Variants in KHDRBS2 observed in about 807,000 individuals in gnomAD.
The protein encoded by KHDRBS2 is KH domain-containing, RNA-binding, signal transduction-associated protein 2.
In KHDRBS2, 26 loss-of-function variants were observed where a neutral mutation model predicts 44.3. The ratio of observed to expected loss-of-function variants is 0.59; its 90% CI spans 0.43 to 0.81. KHDRBS2 has a LOEUF of 0.81. KHDRBS2 is among the 40% of genes least tolerant of loss of function. The probability of loss-of-function intolerance (pLI) is 0.00; values close to 1 mark genes in which losing one functional copy is unlikely to be tolerated. For missense variants in KHDRBS2, 476 were observed against 433.1 expected (o/e 1.10, Z -0.88); for synonymous variants, 194 against 151.1 (o/e 1.28, Z -2.08).
intron 1 of KHDRBS2, among the ~76,000 whole-genome samples, chr6:62,216,765 T>C (rs1430973048): frequency 1.3e-5 from 2 of 149,982 alleles, no homozygotes; most frequent in African/African-American, 4.9e-5. Context: ...CAGTTTCAAG[T>C]AGACCAGGAT....
the KHDRBS2 span, among the ~76,000 whole-genome samples, chr6:61,591,389 C>A: frequency 2.6e-5 from 4 of 151,848 alleles, no homozygotes; most frequent in Non-Finnish European, 5.9e-5. Flanking sequence ...ATGAAATTTC[C>A]AAAATATAAA....
chr6:62,197,721 T>C (rs1486856335), intron 1 of KHDRBS2, among the ~76,000 whole-genome samples: 1 of 152,084 alleles, frequency 6.6e-6, no homozygotes, highest in Non-Finnish European at 1.5e-5. Context: ...TGAACTCAGC[T>C]CTGCACCAAG....
the KHDRBS2 span, among the ~76,000 whole-genome samples, chr6:61,576,636 GC>G: frequency 6.6e-6 from 1 of 152,064 alleles, no homozygotes; most frequent in East Asian, 1.9e-4. Flanking sequence ...AAAATTTTGA[GC>G]TTTTGAGAAA....
intron 6 of KHDRBS2, among the ~76,000 whole-genome samples, chr6:61,773,966 T>TAGA (rs1406679509): frequency 2.1e-4 from 32 of 152,184 alleles, no homozygotes; most frequent in African/African-American, 7.2e-4. Context: ...ATAAGCAGCG[T>TAGA]TATTTCTGAG....
chr6:61,693,973 G>A (rs780567277), intron 8 of KHDRBS2, among the ~76,000 whole-genome samples: 20 of 152,032 alleles, frequency 1.3e-4, no homozygotes, highest in Non-Finnish European at 2.2e-4. Context: ...AAATAATTCC[G>A]AAATAGAAAT....
intron 1 of KHDRBS2, among the ~76,000 whole-genome samples, chr6:62,182,230 C>A (rs1344829030): frequency 6.6e-6 from 1 of 151,786 alleles, no homozygotes; most frequent in Non-Finnish European, 1.5e-5. Flanking sequence ...GACTAAGAGA[C>A]CATAAATTTA....
At chr6:62,179,550 T>C (rs1224790224) in intron 1 of KHDRBS2, among the ~76,000 whole-genome samples, 2 of 151,754 alleles carry the variant, frequency 1.3e-5, no homozygotes, top group East Asian at 3.9e-4. Context: ...TATGGGTGTA[T>C]ACACCTACAT....
the KHDRBS2 span, among the ~76,000 whole-genome samples, chr6:61,598,479 A>G: frequency 6.6e-6 from 1 of 152,176 alleles, no homozygotes; most frequent in Admixed American, 6.5e-5. Flanking sequence ...ATGACTGTCT[A>G]CTCACACATA....
intron 4 of KHDRBS2, among the ~76,000 whole-genome samples, chr6:61,912,924 C>T (rs1806312231): frequency 1.3e-5 from 2 of 152,128 alleles, no homozygotes; most frequent in African/African-American, 2.4e-5. Flanking sequence ...TCTCAAAGAG[C>T]AACCACAACG....
chr6:62,016,548 ATATT>A (rs1264576857), intron 3 of KHDRBS2, among the ~76,000 whole-genome samples: 1 of 149,262 alleles, frequency 6.7e-6, no homozygotes, highest in East Asian at 1.9e-4. Context: ...ATGTATAAGT[ATATT>A]TATATAAATA....
chr6:61,547,162 C>G, the KHDRBS2 span, among the ~76,000 whole-genome samples: 1 of 152,104 alleles, frequency 6.6e-6, no homozygotes, highest in Non-Finnish European at 1.5e-5. Context: ...TCCACACAGA[C>G]AGTGGCTCCG....
At chr6:61,609,857 T>C in the KHDRBS2 span, among the ~76,000 whole-genome samples, 1 of 152,188 alleles carries the variant, frequency 6.6e-6, no homozygotes, top group East Asian at 1.9e-4. Context: ...AATACTAATC[T>C]TTCACGATGT....
At chr6:61,636,898 T>C in the KHDRBS2 span, among the ~76,000 whole-genome samples, 49 of 152,186 alleles carry the variant, frequency 3.2e-4, no homozygotes, top group East Asian at 9.3e-3. Context: ...CAAAGGCTGG[T>C]ATATGCATGG....
rs573892514 is a variant in KHDRBS2, at chr6:62,157,913, T to C, written c.219+19272A>G. 5.3e-4 allele frequency among the ~76,000 whole-genome samples: 81 copies of C among 152,350 alleles called. 1 individual carries two copies. Among genetic ancestry groups the C allele is most frequent in the African/African-American group, 1.9e-3 (79 of 41,590 alleles). On this transcript the variant is annotated intron_variant, in intron 2 of 8. Coordinates refer to ENST00000281156, the MANE Select transcript of KHDRBS2 (RefSeq NM_152688.4). ...ATCTTGATGCATTTTCAAATGTCTA[T>C]GTGAGTTTCAATAATTGAATTAAAT... is the stretch of plus-strand genomic sequence containing the variant.
intron 6 of KHDRBS2, among the ~76,000 whole-genome samples, chr6:61,751,648 A>G (rs541638921): frequency 3.0e-4 from 46 of 152,180 alleles, no homozygotes; most frequent in Non-Finnish European, 5.7e-4. Context: ...CTGCTATTTT[A>G]ATTTTAGGGA....
intron 7 of KHDRBS2, among the ~76,000 whole-genome samples, chr6:61,713,175 C>G (rs1770815899): frequency 6.6e-6 from 1 of 151,566 alleles, no homozygotes; most frequent in South Asian, 2.1e-4. Flanking sequence ...TATGAAACAT[C>G]TGGTGTACAG....
At chr6:61,603,288 A>G in the KHDRBS2 span, among the ~76,000 whole-genome samples, 1 of 152,122 alleles carries the variant, frequency 6.6e-6, no homozygotes, top group Non-Finnish European at 1.5e-5. Context: ...GTGGTGCCAA[A>G]CCCATATACT....
At chr6:61,843,815 GCATTTTTATCAAACAGCC>G (rs1268358742) in intron 6 of KHDRBS2, among the ~76,000 whole-genome samples, 1 of 151,756 alleles carries the variant, frequency 6.6e-6, no homozygotes, top group Non-Finnish European at 1.5e-5. Flanking sequence ...CCACTATTGT[GCATTTTTATCAAACAGCC>G]CAAGATTTAG....
chr6:61,723,001 G>A (rs1215147302), intron 7 of KHDRBS2, among the ~76,000 whole-genome samples: 4 of 152,078 alleles, frequency 2.6e-5, no homozygotes, highest in Admixed American at 6.6e-5. Context: ...GAGCTGCGGC[G>A]AGGAAGAAGC....
Sources: allele counts gnomAD v4.1 joint callset (sites outside exome capture counted in the v4.1 genomes callset), GRCh38; gene constraint gnomAD v4.1.1; transcripts MANE v1.5; gene names NCBI Gene and HGNC (gene_info 2026-07-23, HGNC 2026-07-21).